SLF2: variants seen among roughly 807,000 people sequenced by gnomAD.
The protein encoded by SLF2 is SMC5/6 complex localization factor 2.
In SLF2, 68 loss-of-function variants were observed where a neutral mutation model predicts 124.3. The ratio of observed to expected loss-of-function variants is 0.55; its 90% confidence interval spans 0.45 to 0.67. The LOEUF is 0.67. SLF2 is among the 30% of genes least tolerant of loss of function. The probability of loss-of-function intolerance (pLI) is 0.00; values close to 1 mark genes in which losing one functional copy is unlikely to be tolerated. For missense variants in SLF2, 1,246 were observed against 1,373.7 expected (o/e 0.91, Z 1.47); for synonymous variants, 480 against 478.8 (o/e 1.00, Z -0.03).
At chr10:100,915,014 A>T (rs996141400) in intron 1 of SLF2, among the ~76,000 whole-genome samples, 1 of 152,202 alleles carries the variant, frequency 6.6e-6, no homozygotes, top group Non-Finnish European at 1.5e-5. Context: ...ATATCATAAC[A>T]TCCCCTTTTT....
Position 100,944,047 on chromosome 10 carries a change from A to C in SLF2, c.2676A>C (p.Ser892=). Residue 892 remains serine, a synonymous_variant, in exon 12 of 20, where the codon TCA becomes TCC. Coordinates refer to ENST00000238961, the MANE Select transcript of SLF2 (RefSeq NM_018121.4). ...DYLVSETQTT[S]RGKESEDSSY... ...ATAGTTCTGAAACACAGACAACATC[A>C]AGGGGGAAAGAAAGTGAAGATTCAT... 1.2e-6 allele frequency: 2 copies of C among 1,612,260 alleles called. No individual in the cohort carries two copies. The highest frequency in any genetic ancestry group is 1.7e-6 in the Non-Finnish European group (2 of 1,179,294).
Position 100,913,133 on chromosome 10 carries a change from C to T in SLF2, c.23C>T (p.Ala8Val). The change falls in exon 1 of 20, where the codon GCT (alanine) becomes GTT (valine). Residue 8 changes from alanine (A) to valine (V), a missense_variant. By Grantham distance (64) the Ala-to-Val change is moderately conservative. Coordinates refer to ENST00000238961, the MANE Select transcript of SLF2 (RefSeq NM_018121.4). MTRRCMP[A>V]RPGFPSSPAP... ...GACATGACAAGGCGCTGCATGCCCG[C>T]TAGGCCAGGTTTCCCCTCATCCCCA... The T allele has an allele frequency of 6.2e-7, 1 of 1,612,940 alleles. No homozygotes were observed. The highest frequency in any genetic ancestry group is 8.5e-7 in the Non-Finnish European group (1 of 1,179,588).
rs1850117729 is a variant in SLF2 at position 100,947,029 on chromosome 10, T to C, written c.2935-10T>C. 2 of 1,610,024 alleles carry C rather than the reference T, an allele frequency of 1.2e-6. No homozygotes were observed. The highest frequency in any genetic ancestry group is 2.7e-5 in the African/African-American group (2 of 74,818). ...TTTGAAAAGAAATCTTACATGTTCT[T>C]TTTTTTCAGGTGCCTGAACTCTGTC... On this transcript the variant is annotated splice_polypyrimidine_tract_variant and intron_variant, in intron 13 of 19. Transcript: ENST00000238961.
chr10:100,940,812 TGC>T, intron 11 of SLF2, among the ~76,000 whole-genome samples: 2 of 67,854 alleles, frequency 2.9e-5, no homozygotes, highest in Admixed American at 4.1e-4. Flanking sequence ...CCCCTGCCCC[TGC>T]CCCTTCTCCT....
rs3051169 is a variant in SLF2 at position 100,936,317 on chromosome 10, TTTTTGTTTTGTTTTG to T, written c.2437-1064_2437-1050del. ...TTTTGAAGTCAATCAGTGATATCTTTTTTTGTTTTGTTTTGTTTTGTTTTGTTTTGTTTTGAGATG... is the reference window on the plus strand; with the variant it reads ...TTTTGAAGTCAATCAGTGATATCTTTTTTTGTTTTGTTTTGTTTTGAGATG... On this transcript the variant is annotated intron_variant, in intron 9 of 19. Transcript: ENST00000238961. Among the ~76,000 whole-genome samples the T allele has an allele frequency of 4.0e-4, 60 of 148,436 alleles. No homozygotes were observed. In the Middle Eastern group the frequency reaches 0.01, roughly 26 times the overall value.
In SLF2 at chr10:100,929,815, T is replaced by C; in HGVS notation, c.2166-15T>C. 6.4e-7 allele frequency: 1 copy of C among 1,562,250 alleles called. No homozygotes were observed. The highest frequency in any genetic ancestry group is 8.6e-7 in the Non-Finnish European group (1 of 1,156,790). On this transcript the variant is annotated splice_polypyrimidine_tract_variant and intron_variant, in intron 7 of 19. Coordinates refer to ENST00000238961, the MANE Select transcript of SLF2 (RefSeq NM_018121.4). Reference sequence around the variant, plus strand: ...TGTAACAATTTGGTATTGATTGACTTTTTTTATGTTTCAGGGAATTTCTAA... The same window carrying C: ...TGTAACAATTTGGTATTGATTGACTCTTTTTATGTTTCAGGGAATTTCTAA...
At chr10:100,938,851 GATCA>G in intron 11 of SLF2, 115 bp downstream of exon 11, 1 of 976,346 alleles carries the variant, frequency 1.0e-6, no homozygotes, top group Non-Finnish European at 1.4e-6. Flanking sequence ...TCAAAGTTGA[GATCA>G]ATCTTGAATT....
intron 6 of SLF2, among the ~76,000 whole-genome samples, chr10:100,928,043 C>A (rs11190757): frequency 0.19 from 6,672 of 34,296 alleles, 545 homozygotes; most frequent in South Asian, 0.31. Flanking sequence ...CCCCCCCCCC[C>A]CCCACACACA....
At chr10:100,947,329 AT>A (rs879901254) in intron 14 of SLF2, among the ~76,000 whole-genome samples, 193 bp downstream of exon 14, 176 of 144,456 alleles carry the variant, frequency 1.2e-3, no homozygotes, top group Non-Finnish European at 9.6e-4. Context: ...TCATTATGTA[AT>A]TTTTTTTTTT....
intron 5 of SLF2, 85 bp from the exon 6 acceptor site, chr10:100,925,864 G>C: frequency 7.8e-7 from 1 of 1,286,544 alleles, no homozygotes. Flanking sequence ...ATAGAAAATA[G>C]TCTTTCGTAC....
At chr10:100,938,496 C>G (rs1849907178) in intron 10 of SLF2, 99 bp from the exon 11 acceptor site, 1 of 1,181,860 alleles carries the variant, frequency 8.5e-7, no homozygotes, top group African/African-American at 1.6e-5. Flanking sequence ...TTCTATAAAA[C>G]CATTGTAATT....
chr10:100,947,011 AG>A lies in SLF2; in HGVS notation c.2935-27del. ...TTTTATTCTACTGTTCTGTTTGAAA[AG>A]AAATCTTACATGTTCTTTTTTTTCA... is the stretch of plus-strand genomic sequence containing the variant. On this transcript the variant is annotated intron_variant, in intron 13 of 19. Coordinates refer to ENST00000238961, the MANE Select transcript of SLF2 (RefSeq NM_018121.4). The A allele has an allele frequency of 1.9e-6, 3 of 1,573,204 alleles. No homozygotes were observed. The South Asian group carries it at 3.3e-5, about 17-fold the overall frequency.
At chr10:100,961,554 T>C (rs1850428133) in intron 19 of SLF2, among the ~76,000 whole-genome samples, 2 of 152,212 alleles carry the variant, frequency 1.3e-5, no homozygotes, top group South Asian at 4.1e-4. Flanking sequence ...GGTCATGTAC[T>C]GATGTGGTAT....
chr10:100,913,142 G>A lies in SLF2; in HGVS notation c.32G>A (p.Gly11Asp). MTRRCMPARP[G>D]FPSSPAPGSS... ...AGGCGCTGCATGCCCGCTAGGCCAG[G>A]TTTCCCCTCATCCCCAGCCCCGGGG... is the stretch of plus-strand genomic sequence containing the variant. Residue 11 changes from glycine (G) to aspartate (D), a missense_variant, in exon 1 of 20, where the codon GGT (glycine) becomes GAT (aspartate). Physicochemically the swap from Gly to Asp is moderately conservative, Grantham distance 94. Coordinates refer to ENST00000238961, the MANE Select transcript of SLF2 (RefSeq NM_018121.4). 6.2e-7 allele frequency: 1 copy of A among 1,613,366 alleles called. No homozygotes were observed.
chr10:100,932,749 ATGTAT>A (rs1437832921), intron 9 of SLF2, among the ~76,000 whole-genome samples: 2 of 151,706 alleles, frequency 1.3e-5, no homozygotes, highest in African/African-American at 4.8e-5. Context: ...ACATTTGTAA[ATGTAT>A]TGTGTCAGAT....
chr10:100,916,667 C>A lies in SLF2; in HGVS notation c.282C>A (p.Ser94=). ...TGTEQFERKL[S]SPKESKPKRV... is the part of the protein sequence containing the mutation. ...CAGAGCAGTTTGAAAGGAAACTATC[C>A]TCACCAAAAGAATCTAAACCCAAAA... Residue 94 remains serine (S), a synonymous_variant, in exon 3 of 20, where the codon TCC becomes TCA. Transcript: ENST00000238961. 1 of 1,530,434 alleles carries A rather than the reference C, an allele frequency of 6.5e-7. No homozygotes were observed. Among genetic ancestry groups the A allele is most frequent in the Non-Finnish European group, 8.7e-7 (1 of 1,145,764 alleles). 94.8% of individuals were successfully genotyped at this position (1,530,434 alleles called of 1,614,324 possible).
At chr10:100,919,326 CTTA>C (rs1250203495) in intron 4 of SLF2, among the ~76,000 whole-genome samples, 1 of 152,004 alleles carries the variant, frequency 6.6e-6, no homozygotes, top group East Asian at 1.9e-4. Flanking sequence ...GAAACATAAT[CTTA>C]TTATCTTGGA....
intron 8 of SLF2, 41 bp from the exon 9 acceptor site, chr10:100,930,935 A>G (rs764241815): frequency 6.1e-6 from 9 of 1,483,252 alleles, no homozygotes; most frequent in Admixed American, 1.7e-5. Context: ...GTATTTTGCC[A>G]TGAAGTTAAT....
intron 4 of SLF2, among the ~76,000 whole-genome samples, chr10:100,922,594 C>G (rs1437232161): frequency 6.6e-6 from 1 of 152,036 alleles, no homozygotes; most frequent in Non-Finnish European, 1.5e-5. Flanking sequence ...TTGGGGAATA[C>G]TGATTGCACA....
Sources: allele counts gnomAD v4.1 joint callset (sites outside exome capture counted in the v4.1 genomes callset), GRCh38; gene constraint gnomAD v4.1.1; transcripts MANE v1.5; gene names NCBI Gene and HGNC (gene_info 2026-07-23, HGNC 2026-07-21).